CCDC93: variants seen among roughly 807,000 people sequenced by gnomAD.
The protein encoded by CCDC93 is CCC complex scaffolding subunit CCDC93, also known as coiled-coil domain-containing protein 93.
A neutral mutation model predicts 108.2 loss-of-function variants in CCDC93; 61 were observed. The observed-to-expected ratio is 0.56, with a 90% CI of 0.46 to 0.70. The LOEUF (loss-of-function observed/expected upper bound fraction) is 0.70. Among genes scored for constraint, CCDC93 ranks in the 30% least tolerant of loss-of-function variants. The probability of loss-of-function intolerance (pLI) is 0.00; values close to 1 mark genes in which losing one functional copy is unlikely to be tolerated. For missense variants in CCDC93, 685 were observed against 764.2 expected, an observed-to-expected ratio of 0.90 and a Z score of 1.22; for synonymous variants, 276 against 260.4, an observed-to-expected ratio of 1.06 and a Z score of -0.58.
At chr2:117,929,628 A>C (rs1678255645) in intron 23 of CCDC93, among the ~76,000 whole-genome samples, 1 of 152,364 alleles carries the variant, frequency 6.6e-6, no homozygotes, top group African/African-American at 2.4e-5. Context: ...TTTGAGATGC[A>C]GTTCTTCTCC....
In CCDC93 at chr2:117,946,877, C is replaced by A; in HGVS notation, c.1230G>T (p.Glu410Asp). 1 of 1,611,152 alleles carries A rather than the reference C, an allele frequency of 6.2e-7. No individual in the cohort carries two copies. The highest frequency in any genetic ancestry group is 8.5e-7 in the Non-Finnish European group (1 of 1,177,272). The change falls in exon 16 of 24, where the codon GAG becomes GAT. Residue 410 changes from glutamate to aspartate, a missense_variant. Physicochemically the swap from Glu to Asp is conservative, Grantham distance 45. Coordinates refer to ENST00000376300, the MANE Select transcript of CCDC93 (RefSeq NM_019044.5). ...EQEFKAHCRE[E>D]MTRLQQEIEN... The stretch of plus-strand genomic sequence containing the variant: ...CAATTTCTTGCTGTAGTCGTGTCAT[C>A]TCCTCCTTTAAAAGTGACATGAACT...
chr2:117,952,312 G>T, intron 13 of CCDC93, 61 bp downstream of exon 13: 1 of 1,057,996 alleles, frequency 9.5e-7, no homozygotes, highest in Non-Finnish European at 1.5e-6. Context: ...TCCATTAGTG[G>T]TTCAGGTCAA....
At chr2:117,975,113 C>G (rs780114951) in intron 9 of CCDC93, 75 bp downstream of exon 9, 1 of 1,338,572 alleles carries the variant, frequency 7.5e-7, no homozygotes, top group Non-Finnish European at 1.1e-6. Flanking sequence ...CATTTGGGAA[C>G]GCTAGGGATA....
chr2:117,936,713 C>T lies in CCDC93; in HGVS notation c.1632G>A (p.Glu544=), dbSNP rs1372571841. 1 of 1,613,438 alleles carries T rather than the reference C, an allele frequency of 6.2e-7. No individual in the cohort carries two copies. Among genetic ancestry groups the T allele is most frequent in the South Asian group, 1.1e-5 (1 of 91,052 alleles). ...CTGACAGTACTTACTGTGAGAAGTT[C>T]TCATGAATTGAGTTCAGCAGACTAA... The part of the protein sequence containing the change: ...KEISLLNSIH[E]NFSQAMASPA... The change falls in exon 21 of 24, where the codon GAG becomes GAA. Residue 544 remains glutamate (E), a synonymous_variant. Coordinates refer to ENST00000376300, the MANE Select transcript of CCDC93 (RefSeq NM_019044.5).
At chr2:117,922,302 C>T (rs1047326665) in intron 23 of CCDC93, among the ~76,000 whole-genome samples, 17 of 152,024 alleles carry the variant, frequency 1.1e-4, no homozygotes, top group African/African-American at 3.4e-4. Context: ...TCATATTCTC[C>T]GTCTCTTCAA....
chr2:117,939,670 G>C (rs1398775840), intron 19 of CCDC93, among the ~76,000 whole-genome samples: 2 of 152,202 alleles, frequency 1.3e-5, no homozygotes, highest in African/African-American at 4.8e-5. Context: ...CTGATCATTT[G>C]AGTCCAGTGT....
chr2:117,927,301 A>G (rs1678147282), intron 23 of CCDC93, among the ~76,000 whole-genome samples: 1 of 152,146 alleles, frequency 6.6e-6, no homozygotes, highest in South Asian at 2.1e-4. Flanking sequence ...AATAAAGGGT[A>G]TTCAATTAGG....
intron 5 of CCDC93, among the ~76,000 whole-genome samples, chr2:117,995,979 G>A (rs1410708265): frequency 6.6e-6 from 1 of 151,792 alleles, no homozygotes. Flanking sequence ...TTATTAAATT[G>A]TTACTATAGG....
chr2:117,990,916 T>C (rs1336708136), intron 6 of CCDC93, among the ~76,000 whole-genome samples: 2 of 152,106 alleles, frequency 1.3e-5, no homozygotes, highest in African/African-American at 4.8e-5. Context: ...CGTGGTATCA[T>C]GGGTGATTTA....
intron 6 of CCDC93, 120 bp downstream of exon 6, chr2:117,995,326 G>A (rs1680609975): frequency 1.2e-6 from 1 of 802,576 alleles, no homozygotes; most frequent in South Asian, 1.6e-5. Flanking sequence ...AGCCATCTGA[G>A]TCTAGCTCCT....
chr2:117,931,290 G>A (rs1678319251), intron 22 of CCDC93, 140 bp from the exon 23 acceptor site: 1 of 605,080 alleles, frequency 1.7e-6, no homozygotes, highest in Non-Finnish European at 2.9e-6. Flanking sequence ...AATTTTTGAG[G>A]TTGGTTAATT....
chr2:118,007,670 C>T (rs979654526), intron 2 of CCDC93, among the ~76,000 whole-genome samples: 1 of 151,470 alleles, frequency 6.6e-6, no homozygotes, highest in Non-Finnish European at 1.5e-5. Flanking sequence ...CCATCTCAAA[C>T]AAACAAACAA....
chr2:117,929,167 G>A (rs1376347222), intron 23 of CCDC93, among the ~76,000 whole-genome samples: 1 of 152,156 alleles, frequency 6.6e-6, no homozygotes, highest in Non-Finnish European at 1.5e-5. Context: ...GTTAAATGAC[G>A]AGTTAATGGG....
chr2:118,011,310 T>C (rs1350349495), intron 1 of CCDC93, among the ~76,000 whole-genome samples: 1 of 152,044 alleles, frequency 6.6e-6, no homozygotes, highest in East Asian at 1.9e-4. Flanking sequence ...TGCAATAGAG[T>C]AGGAGTGGCG....
At chr2:117,974,947 T>A in intron 9 of CCDC93, 47 bp from the exon 10 acceptor site, 1 of 1,488,140 alleles carries the variant, frequency 6.7e-7, no homozygotes, top group Non-Finnish European at 9.2e-7. Flanking sequence ...TCTGAACATG[T>A]AAGACAGAAG....
At chr2:117,926,381 TAAAG>T (rs1350012419) in intron 23 of CCDC93, among the ~76,000 whole-genome samples, 16 of 151,556 alleles carry the variant, frequency 1.1e-4, no homozygotes, top group Non-Finnish European at 1.9e-4. Context: ...GCAAGACTAA[TAAAG>T]AAGAAAAGAG....
At chr2:118,013,334 G>A (rs566940859) in intron 1 of CCDC93, among the ~76,000 whole-genome samples, 3 of 152,228 alleles carry the variant, frequency 2.0e-5, no homozygotes, top group Admixed American at 6.5e-5. Context: ...CACCCCTGGA[G>A]TGCGTCCCAC....
Position 117,939,307 on chromosome 2 carries a change from G to A in CCDC93, c.1523-196C>T, listed in dbSNP as rs188541348. On this transcript the variant is annotated intron_variant, in intron 19 of 23. Transcript: ENST00000376300. ...TCAGGACCAATGAAAGGAGAATGTT[G>A]AAGGTGGGACCCAGGTGGTGACAGT... Among the ~76,000 whole-genome samples, 8 of 152,302 alleles carry A rather than the reference G, an allele frequency of 5.3e-5. No homozygotes were observed. In the East Asian group the frequency reaches 1.4e-3, roughly 26 times the overall value.
At chr2:117,947,652 T>C (rs1460605904) in intron 15 of CCDC93, among the ~76,000 whole-genome samples, 1 of 152,184 alleles carries the variant, frequency 6.6e-6, no homozygotes, top group African/African-American at 2.4e-5. Context: ...TGGTGCTCTA[T>C]TCAGCTTATA....
Sources: gnomAD v4.1 joint callset for allele counts (sites outside exome capture counted in the v4.1 genomes callset) on GRCh38, gnomAD v4.1.1 for gene constraint, MANE v1.5 for transcripts, NCBI Gene and HGNC (gene_info 2026-07-23, HGNC 2026-07-21) for gene names.